The following CLN6 variants were observed in gnomAD, a reference collection of about 807,000 sequenced individuals.
The protein encoded by CLN6 is ceroid-lipofuscinosis neuronal protein 6.
Under a neutral mutation model 33.3 loss-of-function variants are expected in CLN6, and 22 were observed. The observed-to-expected ratio is 0.66, with a 90% CI of 0.47 to 0.94. The LOEUF (loss-of-function observed/expected upper bound fraction) is 0.94, where lower values mean the gene tolerates loss of function less well. CLN6 is among the 40% of genes least tolerant of loss of function. The pLI, the probability that CLN6 is intolerant of heterozygous loss-of-function variation, is 0.00. For synonymous variants in CLN6, 201 were observed against 174.6 expected (o/e 1.15, Z -1.19); for missense variants, 387 against 417.1 (o/e 0.93, Z 0.63).
At chr15:68,232,034 A>C (rs1181854210), upstream of CLN6, among the ~76,000 whole-genome samples, 1 of 151,992 alleles carries the variant, frequency 6.6e-6, no homozygotes, top group Non-Finnish European at 1.5e-5. This position sits in a 1 kb window ranked among gnomAD's most constrained non-coding sequence, Gnocchi z 4.7. Flanking sequence ...TCTGAGCTGC[A>C]ATTTCAGTGG....
rs754855292 is a variant in CLN6, at chr15:68,207,996, ACACG to A, written c.*140_*143del. The A allele has an allele frequency of 5.3e-6, 4 of 748,740 alleles. No homozygotes were observed. Among genetic ancestry groups the A allele is most frequent in the Non-Finnish European group, 8.9e-6 (4 of 447,402 alleles). 46.4% of individuals were successfully genotyped at this position (748,740 alleles called of 1,614,324 possible). On this transcript the variant is annotated 3_prime_UTR_variant, in exon 7 of 7. Transcript: ENST00000249806. The stretch of plus-strand genomic sequence containing the variant: ...ATATACAAGACACACACACACACAC[ACACG>A]AATCCACGCACACGAGGCACACCCC...
At chr15:68,229,787 G>GGCGGAGCGGAGGGAGGCGGC (rs147965477), upstream of CLN6, 27 of 342,440 alleles carry the variant, frequency 7.9e-5, no homozygotes, top group Admixed American at 1.2e-3. Context: ...AGGGAGGCGG[G>GGCGGAGCGGAGGGAGGCGGC]GCGGAGGGAG....
chr15:68,216,512 A>T (rs2093220994), intron 2 of CLN6, among the ~76,000 whole-genome samples: 1 of 152,062 alleles, frequency 6.6e-6, no homozygotes, highest in Non-Finnish European at 1.5e-5. Context: ...TTTTCTTTAC[A>T]CCTATCAAGT....
Position 68,211,290 on chromosome 15 carries a change from TA to T in CLN6, c.514del (p.Tyr172MetfsTer34). 1 of 1,613,940 alleles carries T rather than the reference TA, an allele frequency of 6.2e-7. No homozygotes were observed. The highest frequency in any genetic ancestry group is 1.1e-5 in the South Asian group (1 of 91,078). ...LIDSFELLYY[Y>X]DEYLGHCMWY... ...CATGCAGTGACCCAGGTACTCATCA[TA>T]ATAGTAGAGCAGCTCAAAGGAGTCG... is the stretch of plus-strand genomic sequence containing the variant. On this transcript the variant is annotated frameshift_variant, in exon 5 of 7. Transcript: ENST00000249806. LOFTEE classifies it high-confidence loss of function. This position sits in a 1 kb window ranked among gnomAD's most constrained non-coding sequence, Gnocchi z 5.9.
rs1465756237 is a variant in CLN6, at chr15:68,246,382, A to G, written c.179+10308T>C. Among the ~76,000 whole-genome samples, 1 of 152,188 alleles carries G rather than the reference A, an allele frequency of 6.6e-6. No homozygotes were observed. The highest frequency in any genetic ancestry group is 2.4e-5 in the African/African-American group (1 of 41,416). On this transcript the variant is annotated intron_variant, in intron 1 of 6. Transcript: ENST00000538696. This position sits in a 1 kb window ranked among gnomAD's most constrained non-coding sequence, Gnocchi z 4.5. ...ATATCAAATATATTTTCTGGCCACAATGGAATAAAACTGGAAATCAATAAC... is the reference window on the plus strand; with the variant it reads ...ATATCAAATATATTTTCTGGCCACAGTGGAATAAAACTGGAAATCAATAAC...
chr15:68,240,932 C>T (rs1279359610), intron 1 of CLN6, among the ~76,000 whole-genome samples: 2 of 147,750 alleles, frequency 1.4e-5, no homozygotes, highest in Non-Finnish European at 3.0e-5. Flanking sequence ...TGCAGTGAGC[C>T]GAGATCGCAC....
At chr15:68,215,214 T>C (rs746669341) in intron 2 of CLN6, 7 of 152,212 alleles carry the variant, frequency 4.6e-5, no homozygotes, top group Non-Finnish European at 8.8e-5. Context: ...AGAAATGCCA[T>C]ATTGGATAAA....
exon 1 of CLN6, chr15:68,257,100 G>A (rs1181342926): frequency 2.5e-6 from 1 of 401,218 alleles, no homozygotes; most frequent in Admixed American, 4.3e-5. Context: ...CACCTGGCCT[G>A]ACTTCTGCAG....
At chr15:68,229,767 A>AGCGGGGCGGAGCGGAGGGAGGCGGG (rs1555440246), upstream of CLN6, 1,010 of 318,976 alleles carry the variant, frequency 3.2e-3, 19 homozygotes, top group Admixed American at 0.03. Context: ...AGCGGAGCGG[A>AGCGGGGCGGAGCGGAGGGAGGCGGG]GCGGAGCGGA....
intron 2 of CLN6, among the ~76,000 whole-genome samples, chr15:68,217,155 T>C (rs2093222772): frequency 6.6e-6 from 1 of 152,280 alleles, no homozygotes; most frequent in Non-Finnish European, 1.5e-5. Flanking sequence ...CTTATTGTGT[T>C]AGGCACTATT....
Position 68,210,020 on chromosome 15 carries a change from C to T in CLN6, c.543-261G>A, listed in dbSNP as rs1347039193. Among the ~76,000 whole-genome samples the T allele has an allele frequency of 1.3e-5, 2 of 152,164 alleles. No homozygotes were observed. Among genetic ancestry groups the T allele is most frequent in the Non-Finnish European group, 2.9e-5 (2 of 68,032 alleles). ...ACCGCCCAGGGCACCTCACTCACTCCGTGGGGGTAAGGGGTGTCTGGGGGG... is the reference window on the plus strand; with the variant it reads ...ACCGCCCAGGGCACCTCACTCACTCTGTGGGGGTAAGGGGTGTCTGGGGGG... On this transcript the variant is annotated intron_variant, in intron 5 of 6. Coordinates refer to ENST00000249806, the MANE Select transcript of CLN6 (RefSeq NM_017882.3). This position sits in a 1 kb window ranked among gnomAD's most constrained non-coding sequence, Gnocchi z 5.6.
chr15:68,210,763 G>T lies in CLN6; in HGVS notation c.542+500C>A, dbSNP rs1469548523. ...GTGCCCCTCTGGGAGTTCTGAAGAG[G>T]GGGGAGCGCAAACAGCACGCCCCTC... On this transcript the variant is annotated intron_variant, in intron 5 of 6. Transcript: ENST00000249806. The surrounding 1 kb of genome is among the most constrained non-coding windows in gnomAD (Gnocchi z 5.6). 6.6e-6 allele frequency among the ~76,000 whole-genome samples: 1 copy of T among 152,124 alleles called. No individual in the cohort carries two copies. Among genetic ancestry groups the T allele is most frequent in the Non-Finnish European group, 1.5e-5 (1 of 68,006 alleles).
At chr15:68,245,333 C>G (rs1352535907) in intron 1 of CLN6, among the ~76,000 whole-genome samples, 1 of 151,910 alleles carries the variant, frequency 6.6e-6, no homozygotes, top group African/African-American at 2.4e-5. Context: ...GAGGCTGAGG[C>G]TGGCAGGTTG....
At chr15:68,225,859 G>A (rs895332147) in intron 1 of CLN6, among the ~76,000 whole-genome samples, 4 of 151,922 alleles carry the variant, frequency 2.6e-5, no homozygotes, top group African/African-American at 9.7e-5. Flanking sequence ...TGTAATCCCA[G>A]CTACTCGGGA....
chr15:68,228,282 C>T lies in CLN6; in HGVS notation c.83+1220G>A, dbSNP rs554145382. Reference sequence around the variant, plus strand: ...ACTTCTCCCTTCATCCAGGTCGTACCAAAAACTTCCTAACAAGGACTTTGC... The same window carrying T: ...ACTTCTCCCTTCATCCAGGTCGTACTAAAAACTTCCTAACAAGGACTTTGC... On this transcript the variant is annotated intron_variant, in intron 1 of 6. Coordinates refer to ENST00000249806, the MANE Select transcript of CLN6 (RefSeq NM_017882.3). This position sits in a 1 kb window ranked among gnomAD's most constrained non-coding sequence, Gnocchi z 4.4. Among the ~76,000 whole-genome samples the T allele has an allele frequency of 9.9e-5, 15 of 152,246 alleles. No individual in the cohort carries two copies. Among genetic ancestry groups the T allele is most frequent in the African/African-American group, 3.6e-4 (15 of 41,530 alleles).
At chr15:68,252,531 T>C (rs1261162670) in intron 1 of CLN6, among the ~76,000 whole-genome samples, 2 of 152,222 alleles carry the variant, frequency 1.3e-5, no homozygotes, top group Non-Finnish European at 2.9e-5. Context: ...ACCACCAATA[T>C]TGTGTAAATT....
In CLN6 at chr15:68,218,576, A is replaced by G. The variant is rs780955024; in HGVS notation, c.158T>C (p.Leu53Pro). ...CCCAAAGTCCAGAACCCAGTTCTGC[A>G]GTGTGAAGTAGAACCAGAGGTCGAG... ...FHLDLWFYFT[L>P]QNWVLDFGRP... Residue 53 changes from leucine to proline, a missense_variant, in exon 2 of 7, where the codon CTG becomes CCG. Coordinates refer to ENST00000249806, the MANE Select transcript of CLN6 (RefSeq NM_017882.3). 6.2e-7 allele frequency: 1 copy of G among 1,613,978 alleles called. No individual in the cohort carries two copies. The highest frequency in any genetic ancestry group is 2.2e-5 in the East Asian group (1 of 44,874).
rs941520621 is a variant in CLN6, at chr15:68,210,395, G to A, written c.543-636C>T. ...ACCCTTCCCCAACCTTCTGTGGGAA[G>A]AGGCTCTGGCAAAGGCCAGGGAAAG... On this transcript the variant is annotated intron_variant, in intron 5 of 6. Coordinates refer to ENST00000249806, the MANE Select transcript of CLN6 (RefSeq NM_017882.3). The surrounding 1 kb of genome is among the most constrained non-coding windows in gnomAD (Gnocchi z 5.6). 1.3e-5 allele frequency among the ~76,000 whole-genome samples: 2 copies of A among 152,200 alleles called. No homozygotes were observed. The highest frequency in any genetic ancestry group is 2.9e-5 in the Non-Finnish European group (2 of 68,034).
In CLN6 at chr15:68,211,913, T is replaced by C. The variant is rs751850377; in HGVS notation, c.298-50A>G. The C allele has an allele frequency of 1.3e-6, 2 of 1,577,156 alleles. No individual in the cohort carries two copies. Among genetic ancestry groups the C allele is most frequent in the Non-Finnish European group, 1.7e-6 (2 of 1,150,412 alleles). ...GCATGACCCCACCTCTGTCACAGTA[T>C]GTGACACCCTCTGCTTCCCCCCTCA... On this transcript the variant is annotated intron_variant, in intron 3 of 6. Coordinates refer to ENST00000249806, the MANE Select transcript of CLN6 (RefSeq NM_017882.3). This position sits in a 1 kb window ranked among gnomAD's most constrained non-coding sequence, Gnocchi z 5.9.
Sources: allele counts gnomAD v4.1 joint callset (sites outside exome capture counted in the v4.1 genomes callset), GRCh38; gene constraint gnomAD v4.1.1; non-coding constraint Gnocchi (gnomAD v3.1); transcripts MANE v1.5; gene names NCBI Gene and HGNC (gene_info 2026-07-23, HGNC 2026-07-21).